Variants in TRDN observed in about 807,000 individuals in gnomAD.
TRDN encodes the protein triadin, also known as triadin in skeletal muscle.
Under a neutral mutation model 149.7 loss-of-function variants are expected in TRDN, and 161 were observed. That is an observed-to-expected ratio of 1.08 (90% CI 0.95 to 1.23). The LOEUF is 1.23. Among genes scored for constraint, TRDN ranks in the 50% most tolerant of loss-of-function variants. TRDN has a pLI of 0.00. For synonymous variants in TRDN, 294 were observed against 250.5 expected (o/e 1.17, Z -1.64); for missense variants, 896 against 823.5 (o/e 1.09, Z -1.08).
intron 20 of TRDN, among the ~76,000 whole-genome samples, chr6:123,361,299 G>A (rs1780891143): frequency 1.3e-5 from 2 of 152,036 alleles, no homozygotes; most frequent in Non-Finnish European, 2.9e-5. Context: ...AACCAACATT[G>A]CATGTTCTCA....
At chr6:123,456,937 A>G (rs1776162001) in intron 10 of TRDN, 2 of 438,568 alleles carry the variant, frequency 4.6e-6, no homozygotes, top group Admixed American at 4.9e-5. Context: ...CAGATCGCAA[A>G]CAAATGTTTT....
In TRDN at chr6:123,548,630, A is replaced by G. The variant is rs1781236626; in HGVS notation, c.233-18T>C. 7.4e-7 allele frequency: 1 copy of G among 1,353,778 alleles called. No individual in the cohort carries two copies. The highest frequency in any genetic ancestry group is 9.5e-7 in the Non-Finnish European group (1 of 1,047,180). The allele number at this position is 1,353,778 out of a possible 1,614,324, so 83.9% of individuals were successfully genotyped here. A position where few individuals can be genotyped will look rare whatever the true frequency, so the allele number is the denominator to read the frequency against. On this transcript the variant is annotated intron_variant, in intron 2 of 40. Coordinates refer to ENST00000334268, the MANE Select transcript of TRDN (RefSeq NM_006073.4). ...AGAGCTTGCTAAAAGTAATTAAAAAAAAAAAAAAAGAAAAAGTTTGTGATC... is the reference window on the plus strand; with the variant it reads ...AGAGCTTGCTAAAAGTAATTAAAAAGAAAAAAAAAGAAAAAGTTTGTGATC...
chr6:123,520,484 A>G (rs141336125), intron 5 of TRDN, among the ~76,000 whole-genome samples: 57 of 152,208 alleles, frequency 3.7e-4, no homozygotes, highest in African/African-American at 1.3e-3. Context: ...TTGTTCTCAT[A>G]AGCCAAAATG....
intron 16 of TRDN, 32 bp downstream of exon 16, chr6:123,381,338 A>T: frequency 6.5e-7 from 1 of 1,539,876 alleles, no homozygotes; most frequent in South Asian, 1.2e-5. Flanking sequence ...TAAAAAAAAA[A>T]GTACACAAAT....
intron 24 of TRDN, among the ~76,000 whole-genome samples, chr6:123,314,913 G>T (rs138766855): frequency 6.6e-6 from 1 of 152,010 alleles, no homozygotes; most frequent in African/African-American, 2.4e-5. Flanking sequence ...ATACCTGGGC[G>T]ATGAAATAAT....
chr6:123,503,510 C>G, intron 8 of TRDN: 1 of 1,408,926 alleles, frequency 7.1e-7, no homozygotes, highest in Non-Finnish European at 9.2e-7. Flanking sequence ...CAAAATGCCC[C>G]TTTAGATCTG....
At chr6:123,503,427 C>A (rs1562350965) in intron 8 of TRDN, 1 of 985,268 alleles carries the variant, frequency 1.0e-6, no homozygotes, top group Non-Finnish European at 1.2e-6. Flanking sequence ...TTCCATATCT[C>A]AAAAATTCAA....
At chr6:123,495,381 T>C (rs1414710356) in intron 9 of TRDN, among the ~76,000 whole-genome samples, 1 of 151,638 alleles carries the variant, frequency 6.6e-6, no homozygotes, top group African/African-American at 2.4e-5. Flanking sequence ...TAGCCGAGTA[T>C]GTTGGCAGGG....
At chr6:123,626,472 G>GA (rs893929950) in intron 1 of TRDN, among the ~76,000 whole-genome samples, 11 of 150,036 alleles carry the variant, frequency 7.3e-5, no homozygotes, top group South Asian at 4.2e-4. Context: ...TGGCTCAAAA[G>GA]AAAAAAAAAC....
At chr6:123,404,725 G>A (rs907296339) in intron 12 of TRDN, among the ~76,000 whole-genome samples, 5 of 152,202 alleles carry the variant, frequency 3.3e-5, no homozygotes, top group Admixed American at 6.5e-5. Flanking sequence ...GATTACAGGC[G>A]TGAGCCACTG....
chr6:123,263,423 G>A (rs1776839342), intron 33 of TRDN, among the ~76,000 whole-genome samples: 1 of 152,000 alleles, frequency 6.6e-6, no homozygotes, highest in South Asian at 2.1e-4. Flanking sequence ...ATAAGATGAA[G>A]CATCAAATGC....
chr6:123,549,596 C>T (rs777574388), intron 2 of TRDN, among the ~76,000 whole-genome samples: 16 of 151,970 alleles, frequency 1.1e-4, no homozygotes, highest in African/African-American at 3.6e-4. Context: ...TCTAATTAGG[C>T]TTTTACTGTG....
chr6:123,551,740 C>T (rs567750837), intron 2 of TRDN, among the ~76,000 whole-genome samples: 6 of 151,598 alleles, frequency 4.0e-5, no homozygotes, highest in Admixed American at 3.9e-4. Flanking sequence ...TAAGATGCCT[C>T]AGGTTACATA....
intron 24 of TRDN, among the ~76,000 whole-genome samples, chr6:123,282,004 C>T (rs1410695171): frequency 6.6e-6 from 1 of 151,902 alleles, no homozygotes; most frequent in African/African-American, 2.4e-5. Flanking sequence ...AAGATGAGAT[C>T]ATTATCCTGG....
intron 5 of TRDN, among the ~76,000 whole-genome samples, chr6:123,517,355 T>C (rs901498806): frequency 1.3e-5 from 2 of 152,112 alleles, no homozygotes; most frequent in Non-Finnish European, 2.9e-5. Flanking sequence ...ATACCTATCA[T>C]AATATTATAA....
intron 12 of TRDN, chr6:123,411,612 G>A (rs914532991): frequency 6.6e-6 from 1 of 152,420 alleles, no homozygotes; most frequent in Non-Finnish European, 1.5e-5. Context: ...GCAGTGAAGA[G>A]TAGCCTGAGG....
At chr6:123,428,370 G>A (rs1774208148) in intron 12 of TRDN, among the ~76,000 whole-genome samples, 1 of 152,098 alleles carries the variant, frequency 6.6e-6, no homozygotes, top group African/African-American at 2.4e-5. Flanking sequence ...GTCCCTAGCA[G>A]GACATGAACA....
intron 14 of TRDN, among the ~76,000 whole-genome samples, chr6:123,382,932 A>AT (rs1421588262): frequency 1.3e-5 from 2 of 152,100 alleles, no homozygotes; most frequent in East Asian, 3.9e-4. Context: ...AGAATATTTT[A>AT]TTTTTTAATC....
chr6:123,300,196 T>C (rs1778352062), intron 24 of TRDN, among the ~76,000 whole-genome samples: 2 of 151,874 alleles, frequency 1.3e-5, no homozygotes, highest in Non-Finnish European at 2.9e-5. Flanking sequence ...TGGGTTGAAA[T>C]TGGGAAGGAA....
Sources: gnomAD v4.1 joint callset for allele counts (sites outside exome capture counted in the v4.1 genomes callset) on GRCh38, gnomAD v4.1.1 for gene constraint, MANE v1.5 for transcripts, NCBI Gene and HGNC (gene_info 2026-07-23, HGNC 2026-07-21) for gene names.